Variants in STK33 observed in about 807,000 individuals in gnomAD.
The protein encoded by STK33 is serine/threonine-protein kinase 33.
Under a neutral mutation model 58.0 loss-of-function variants are expected in STK33, and 52 were observed. The ratio of observed to expected loss-of-function variants is 0.90; its 90% confidence interval spans 0.72 to 1.13. The LOEUF is 1.13. Among genes scored for constraint, STK33 ranks in the 50% most tolerant of loss-of-function variants. STK33 has a pLI of 0.00. For missense variants in STK33, 630 were observed against 604.2 expected (o/e 1.04, Z -0.45); for synonymous variants, 215 against 200.1 (o/e 1.07, Z -0.63).
chr11:8,345,393 C>A, the STK33 span, among the ~76,000 whole-genome samples: 1 of 152,240 alleles, frequency 6.6e-6, no homozygotes, highest in Non-Finnish European at 1.5e-5. Flanking sequence ...TGCCATTAAA[C>A]CCTCGTCTCC....
At chr11:8,341,324 C>T in the STK33 span, among the ~76,000 whole-genome samples, 1 of 152,190 alleles carries the variant, frequency 6.6e-6, no homozygotes, top group African/African-American at 2.4e-5. Context: ...AGGCTGCCTC[C>T]GTTGGGTTCT....
At chr11:8,471,349 A>G (rs780528986) in intron 6 of STK33, among the ~76,000 whole-genome samples, 3 of 152,234 alleles carry the variant, frequency 2.0e-5, no homozygotes, top group Non-Finnish European at 4.4e-5. Flanking sequence ...ATAGTGATGA[A>G]GGAGAAAACA....
chr11:8,414,327 C>T (rs1474084111), intron 14 of STK33, among the ~76,000 whole-genome samples: 3 of 152,074 alleles, frequency 2.0e-5, no homozygotes, highest in Non-Finnish European at 4.4e-5. Context: ...AAATATAATA[C>T]CCCATGTAAT....
At chr11:8,559,067 T>C (rs1007978898) in intron 1 of STK33, among the ~76,000 whole-genome samples, 1 of 152,138 alleles carries the variant, frequency 6.6e-6, no homozygotes. Flanking sequence ...CCCTAGAAAA[T>C]GTAGAGGTCC....
At chr11:8,570,488 A>G (rs117991146) in intron 1 of STK33, among the ~76,000 whole-genome samples, 118 of 152,358 alleles carry the variant, frequency 7.7e-4, no homozygotes, top group Non-Finnish European at 1.2e-3. Flanking sequence ...TGTTTGTAGT[A>G]GTCAAAAACT....
intron 1 of STK33, among the ~76,000 whole-genome samples, chr11:8,553,891 T>C (rs895154810): frequency 6.6e-6 from 1 of 152,062 alleles, no homozygotes; most frequent in African/African-American, 2.4e-5. Flanking sequence ...GACATTAGAC[T>C]AGGCAATGAT....
chr11:8,474,869 A>AT lies in STK33; in HGVS notation c.36dup (p.Cys13MetfsTer38), dbSNP rs1720061192. On this transcript the variant is annotated frameshift_variant, in exon 5 of 16. Transcript: ENST00000687296. LOFTEE classifies it high-confidence loss of function. ...TGAGAAGCAGATGAACAGTCGGGGC[A>AT]TTTTGTGGATTTTTTATCTAAGCCA... 6.3e-7 allele frequency: 1 copy of AT among 1,592,484 alleles called. No individual in the cohort carries two copies.
the STK33 span, among the ~76,000 whole-genome samples, chr11:8,362,843 T>TTC: frequency 1.3e-5 from 2 of 151,370 alleles, no homozygotes; most frequent in African/African-American, 2.4e-5. Context: ...TCCATCCCTC[T>TTC]CTTTCTGCCT....
chr11:8,573,297 CAGA>C (rs1449755837), intron 1 of STK33, among the ~76,000 whole-genome samples: 1 of 152,064 alleles, frequency 6.6e-6, no homozygotes, highest in East Asian at 1.9e-4. Flanking sequence ...AGACTTTTCA[CAGA>C]AGAAGATACA....
chr11:8,395,844 AT>A (rs1388009734), intron 15 of STK33, among the ~76,000 whole-genome samples: 1 of 152,206 alleles, frequency 6.6e-6, no homozygotes, highest in Non-Finnish European at 1.5e-5. Context: ...TGGTATATGG[AT>A]TTGTAATTTT....
the STK33 span, among the ~76,000 whole-genome samples, chr11:8,356,768 C>T: frequency 6.6e-6 from 1 of 152,204 alleles, no homozygotes; most frequent in Non-Finnish European, 1.5e-5. Context: ...GGGACACCAG[C>T]TGTCAGATAG....
intron 1 of STK33, among the ~76,000 whole-genome samples, chr11:8,537,416 G>C (rs755055875): frequency 3.3e-5 from 5 of 152,066 alleles, no homozygotes; most frequent in Admixed American, 1.3e-4. Flanking sequence ...TTTGTTTCAA[G>C]TGTGTTCATA....
At chr11:8,447,697 A>G (rs1328978870) in intron 11 of STK33, among the ~76,000 whole-genome samples, 1 of 152,138 alleles carries the variant, frequency 6.6e-6, no homozygotes, top group Non-Finnish European at 1.5e-5. Flanking sequence ...ATGGGCAAAA[A>G]CTGGAAGCAT....
the STK33 span, among the ~76,000 whole-genome samples, chr11:8,348,349 G>A: frequency 3.6e-3 from 545 of 152,300 alleles, 3 homozygotes; most frequent in African/African-American, 0.013. Flanking sequence ...CAATCTTGGC[G>A]GAAGGGGAAG....
In STK33 at chr11:8,496,487, C is replaced by T. The variant is rs1195645486; in HGVS notation, c.-465-15873G>A. Among the ~76,000 whole-genome samples the T allele has an allele frequency of 5.9e-5, 9 of 152,152 alleles. No homozygotes were observed. The East Asian group carries it at 7.7e-4, about 13-fold the overall frequency. ...ACAAAATTTAATGTGTTTAAGGAATCTCTACTGATGTTAATTAAGTTTGAT... is the reference window on the plus strand; with the variant it reads ...ACAAAATTTAATGTGTTTAAGGAATTTCTACTGATGTTAATTAAGTTTGAT... On this transcript the variant is annotated intron_variant, in intron 1 of 15. Coordinates refer to ENST00000687296, the MANE Select transcript of STK33 (RefSeq NM_001352389.2).
At chr11:8,539,331 T>A (rs908463360) in intron 1 of STK33, among the ~76,000 whole-genome samples, 6 of 152,190 alleles carry the variant, frequency 3.9e-5, no homozygotes, top group African/African-American at 1.2e-4. Flanking sequence ...CGGTGCTGCA[T>A]CTCAAAATGT....
At chr11:8,505,671 A>T (rs569720531) in intron 1 of STK33, among the ~76,000 whole-genome samples, 38 of 152,296 alleles carry the variant, frequency 2.5e-4, no homozygotes, top group African/African-American at 8.7e-4. Context: ...CCTTCCTCAG[A>T]CCGTAAGCGC....
At chr11:8,556,356 T>C (rs920142971) in intron 1 of STK33, among the ~76,000 whole-genome samples, 5 of 152,238 alleles carry the variant, frequency 3.3e-5, no homozygotes, top group Non-Finnish European at 7.3e-5. Flanking sequence ...AATGTAAGCC[T>C]GCAGGAATTC....
At chr11:8,593,019 GA>G (rs1290256849) in intron 1 of STK33, among the ~76,000 whole-genome samples, 1 of 152,208 alleles carries the variant, frequency 6.6e-6, no homozygotes, top group Non-Finnish European at 1.5e-5. Flanking sequence ...GATTTGGTTT[GA>G]AGATAAAATG....
Sources: gnomAD v4.1 joint callset for allele counts (sites outside exome capture counted in the v4.1 genomes callset) on GRCh38, gnomAD v4.1.1 for gene constraint, MANE v1.5 for transcripts, NCBI Gene and HGNC (gene_info 2026-07-23, HGNC 2026-07-21) for gene names.